CATSPERG: variants seen among roughly 807,000 people sequenced by gnomAD.
The protein encoded by CATSPERG is catsper channel auxiliary subunit gamma, also known as cation channel sperm-associated auxiliary subunit gamma.
In CATSPERG, 115 loss-of-function variants were observed where a neutral mutation model predicts 145.0. That is an observed-to-expected ratio of 0.79 (90% confidence interval 0.68 to 0.93). CATSPERG has a LOEUF of 0.93. CATSPERG is among the 40% of genes least tolerant of loss of function. The pLI is 0.00. For missense variants in CATSPERG, 1,296 were observed against 1,490.1 expected (o/e 0.87, Z 2.14); for synonymous variants, 588 against 589.0 (o/e 1.00, Z 0.02).
At position 38,361,697 on chromosome 19, in the gene CATSPERG, C is replaced by T. The variant is rs1289389222; in HGVS notation, c.1930C>T (p.Arg644Cys). The T allele has an allele frequency of 1.2e-6, 2 of 1,612,016 alleles. No individual in the cohort carries two copies. The change falls in exon 17 of 29, where the codon CGC becomes TGC. Residue 644 changes from arginine to cysteine, a missense_variant. Physicochemically the swap from Arg to Cys is radical, Grantham distance 180. Transcript: ENST00000409235. ...CGACTTCTGCCCCTTCTCGGTGATG[C>T]GCCTGCGGAGCCTGCCCAGTCCGCA... is the stretch of plus-strand genomic sequence containing the variant. Reference protein sequence around the residue: ...FIDFCPFSVMRLRSLPSPQRY... With the variant: ...FIDFCPFSVMCLRSLPSPQRY...
chr19:38,358,434 C>A lies in CATSPERG; in HGVS notation c.1369C>A (p.Arg457=), dbSNP rs554658371. 2 of 1,614,136 alleles carry A rather than the reference C, an allele frequency of 1.2e-6. No homozygotes were observed. The highest frequency in any genetic ancestry group is 8.5e-7 in the Non-Finnish European group (1 of 1,180,006). The change falls in exon 13 of 29, where the codon CGA becomes AGA. Residue 457 remains arginine (R), a splice_region_variant and synonymous_variant. Coordinates refer to ENST00000409235, the MANE Select transcript of CATSPERG (RefSeq NM_021185.5). ...CTCTCTTCCTCTGCTCCGGTCAGCT[C>A]GAGGATTGGAGTTCCTGATGATCCT... is the stretch of plus-strand genomic sequence containing the variant. ...YHIPEFIPEA[R]GLEFLMILGT... is the part of the protein sequence containing the mutation.
chr19:38,370,305 C>A (rs374948731), intron 28 of CATSPERG, 47 bp downstream of exon 28: 1 of 1,546,346 alleles, frequency 6.5e-7, no homozygotes, highest in Non-Finnish European at 8.9e-7. Context: ...CAGGGGCCCA[C>A]GCCTCCATAC....
intron 20 of CATSPERG, among the ~76,000 whole-genome samples, chr19:38,363,364 C>T (rs566460879): frequency 1.3e-5 from 2 of 151,886 alleles, no homozygotes; most frequent in East Asian, 1.9e-4. Context: ...TTTGTAGAGA[C>T]GGGGGTCTCC....
intron 10 of CATSPERG, 41 bp from the exon 11 acceptor site, chr19:38,356,701 T>G (rs1600469163): frequency 6.2e-7 from 1 of 1,611,372 alleles, no homozygotes; most frequent in East Asian, 2.2e-5. Flanking sequence ...CCAAGGCTAT[T>G]GAGCCCTGGG....
At chr19:38,359,919 T>G in intron 14 of CATSPERG, 1 of 1,031,936 alleles carries the variant, frequency 9.7e-7, no homozygotes, top group East Asian at 8.7e-5. Context: ...GGGAAAATAT[T>G]ACCTATGGAA....
At position 38,362,732 on chromosome 19, in the gene CATSPERG, A is replaced by G. The variant is rs753544913; in HGVS notation, c.2375A>G (p.His792Arg). 20 of 1,614,022 alleles carry G rather than the reference A, an allele frequency of 1.2e-5. No homozygotes were observed. The Admixed American group carries it at 1.7e-4, about 13-fold the overall frequency. Residue 792 changes from histidine to arginine, a missense_variant, in exon 20 of 29, where the codon CAT (histidine) becomes CGT (arginine). Coordinates refer to ENST00000409235, the MANE Select transcript of CATSPERG (RefSeq NM_021185.5). ...QSELGTAFQLHSQVDVGVVLA... is the reference protein window; with the variant it reads ...QSELGTAFQLRSQVDVGVVLA... The stretch of plus-strand genomic sequence containing the variant: ...GGAGCAGGCACCGCCTTCCAGCTGC[A>G]TAGCCAGGTGGACGTGGGCGTGGTG...
chr19:38,352,466 A>T, intron 8 of CATSPERG, 34 bp downstream of exon 8: 6 of 1,545,816 alleles, frequency 3.9e-6, no homozygotes, highest in Non-Finnish European at 5.2e-6. Context: ...ACGCCTGGGG[A>T]GGGCACCCTG....
chr19:38,362,165 C>A, intron 17 of CATSPERG, 45 bp from the exon 18 acceptor site: 1 of 1,551,290 alleles, frequency 6.4e-7, no homozygotes, highest in Non-Finnish European at 8.7e-7. Flanking sequence ...TGGAGGCTCT[C>A]GCCCCGCTGC....
rs143170742 is a variant in CATSPERG at position 38,361,748 on chromosome 19, C to T, written c.1981C>T (p.Arg661Trp). The T allele has an allele frequency of 6.2e-7, 1 of 1,610,948 alleles. No individual in the cohort carries two copies. Among genetic ancestry groups the T allele is most frequent in the South Asian group, 1.1e-5 (1 of 90,778 alleles). The change falls in exon 17 of 29, where the codon CGG (arginine) becomes TGG (tryptophan). Residue 661 changes from arginine (R) to tryptophan (W), a missense_variant. By Grantham distance (101) the Arg-to-Trp change is moderately radical (BLOSUM62 -3). Coordinates refer to ENST00000409235, the MANE Select transcript of CATSPERG (RefSeq NM_021185.5). ...PQRYTRQERY[R>W]ARPPRVLERS... ...GAGATACACGCGCCAGGAGCGCTAC[C>T]GGGCGCGGCCGCCGCGCGTCCTGGA... is the stretch of plus-strand genomic sequence containing the variant.
chr19:38,364,560 C>T (rs1970414426), intron 20 of CATSPERG, among the ~76,000 whole-genome samples: 1 of 152,226 alleles, frequency 6.6e-6, no homozygotes. Flanking sequence ...CTTTGGGAGG[C>T]CAAGGCAGGC....
In CATSPERG at chr19:38,370,824, TCA is replaced by T; in HGVS notation, c.*34_*35del. On this transcript the variant is annotated 3_prime_UTR_variant, in exon 29 of 29. Transcript: ENST00000409235. The stretch of plus-strand genomic sequence containing the variant: ...CACCTGCCCCAGCCCCCAGTTACTG[TCA>T]CGCCTCTCTTATGAGGCCCATCTTG... 1 of 1,605,452 alleles carries T rather than the reference TCA, an allele frequency of 6.2e-7. No individual in the cohort carries two copies. The highest frequency in any genetic ancestry group is 8.5e-7 in the Non-Finnish European group (1 of 1,173,966).
In CATSPERG at chr19:38,344,052, A is replaced by T. The variant is rs775966791; in HGVS notation, c.529A>T (p.Lys177Ter). 6.4e-7 allele frequency: 1 copy of T among 1,551,486 alleles called. No homozygotes were observed. The highest frequency in any genetic ancestry group is 8.7e-7 in the Non-Finnish European group (1 of 1,146,944). Residue 177 changes from lysine to a stop codon, truncating the protein, a stop_gained, in exon 5 of 29, where the codon AAA becomes TAA. Transcript: ENST00000409235. LOFTEE classifies it high-confidence loss of function. ...CTGGTACACGCCCATGCCCATCAAGAAAGGCAGTGTGGTCATGCGTGTGGA... is the reference window on the plus strand; with the variant it reads ...CTGGTACACGCCCATGCCCATCAAGTAAGGCAGTGTGGTCATGCGTGTGGA... ...MSWYTPMPIK[K>*]GSVVMRVDIS...
intron 13 of CATSPERG, among the ~76,000 whole-genome samples, chr19:38,359,033 A>G (rs1970297687): frequency 1.3e-5 from 2 of 152,006 alleles, no homozygotes; most frequent in Non-Finnish European, 1.5e-5. Context: ...TATTTTTAGT[A>G]GAGACGCGGT....
At chr19:38,336,717 T>A (rs11672793) in intron 1 of CATSPERG, 47,091 of 246,510 alleles carry the variant, frequency 0.19, 4,908 homozygotes, top group South Asian at 0.25. Context: ...ACGGGGGAAC[T>A]TAAGAGGGGG....
chr19:38,362,702 T>A lies in CATSPERG; in HGVS notation c.2357-12T>A. 3 of 1,613,646 alleles carry A rather than the reference T, an allele frequency of 1.9e-6. No homozygotes were observed. On this transcript the variant is annotated splice_polypyrimidine_tract_variant and intron_variant, in intron 19 of 28. Transcript: ENST00000409235. ...TGAGGGAGGCCTTAACCCCGTTTAC[T>A]GCCCGGAGCAGGCACCGCCTTCCAG...
chr19:38,356,962 G>T lies in CATSPERG; in HGVS notation c.1315+101G>T. ...GATCTGTGCCCAGCAGACAGAGGGA[G>T]GGCAACATTACCTGTGTCACTCCTG... On this transcript the variant is annotated intron_variant, in intron 11 of 28. Coordinates refer to ENST00000409235, the MANE Select transcript of CATSPERG (RefSeq NM_021185.5). 5.5e-6 allele frequency: 8 copies of T among 1,456,678 alleles called. No homozygotes were observed. The South Asian group carries it at 1.0e-4, about 19-fold the overall frequency. 90.2% of individuals were successfully genotyped at this position (1,456,678 alleles called of 1,614,324 possible).
intron 3 of CATSPERG, among the ~76,000 whole-genome samples, chr19:38,340,317 GTCTT>G (rs1366727206): frequency 6.7e-6 from 1 of 149,822 alleles, no homozygotes; most frequent in Non-Finnish European, 1.5e-5. Context: ...GTATCACAGA[GTCTT>G]TTTTTTTTTC....
Position 38,358,537 on chromosome 19 carries a change from T to A in CATSPERG, c.1472T>A (p.Ile491Asn). 6.2e-7 allele frequency: 1 copy of A among 1,614,184 alleles called. No homozygotes were observed. The highest frequency in any genetic ancestry group is 8.5e-7 in the Non-Finnish European group (1 of 1,180,020). The change falls in exon 13 of 29, where the codon ATC becomes AAC. Residue 491 changes from isoleucine to asparagine, a missense_variant. By Grantham distance (149) the Ile-to-Asn change is moderately radical. Coordinates refer to ENST00000409235, the MANE Select transcript of CATSPERG (RefSeq NM_021185.5). ...FCNPYNNLIF[I>N]WGNFLLQSSN... ...AACCCGTACAACAATCTGATCTTCA[T>A]CTGGGGCAACTTCCTCCTGCAGAGG...
chr19:38,336,367 C>T, intron 1 of CATSPERG: 1 of 342,132 alleles, frequency 2.9e-6, no homozygotes, highest in Non-Finnish European at 6.0e-6. Flanking sequence ...GACGGGGCGA[C>T]GGGCCCGCGC....
Sources: gnomAD v4.1 joint callset for allele counts (sites outside exome capture counted in the v4.1 genomes callset) on GRCh38, gnomAD v4.1.1 for gene constraint, MANE v1.5 for transcripts, NCBI Gene and HGNC (gene_info 2026-07-23, HGNC 2026-07-21) for gene names.